Variants in CDC123 observed in about 807,000 individuals in gnomAD.
The protein encoded by CDC123 is translation initiation factor eIF2 assembly protein.
In CDC123, 37 loss-of-function variants were observed where a neutral mutation model predicts 54.4. That is an observed-to-expected ratio of 0.68 (90% CI 0.52 to 0.89). The LOEUF is 0.89. Ranked by LOEUF, CDC123 falls within the 40% of genes least tolerant of loss-of-function variation. The pLI is 0.00. For synonymous variants in CDC123, 144 were observed against 136.8 expected, an observed-to-expected ratio of 1.05 and a Z score of -0.37; for missense variants, 361 against 412.1, an observed-to-expected ratio of 0.88 and a Z score of 1.07.
In CDC123 at chr10:12,230,943, C is replaced by T. The variant is rs765625749; in HGVS notation, c.441-5C>T. ...ATTCAGTTGCCTTTTCTTCTTCTTC[C>T]AAAGGTTTATTCATTGTACTGATGA... On this transcript the variant is annotated splice_region_variant and splice_polypyrimidine_tract_variant and intron_variant, in intron 6 of 12. Coordinates refer to ENST00000281141, the MANE Select transcript of CDC123 (RefSeq NM_006023.3). 6 of 1,611,490 alleles carry T rather than the reference C, an allele frequency of 3.7e-6. No homozygotes were observed. Among genetic ancestry groups the T allele is most frequent in the Admixed American group, 1.7e-5 (1 of 59,440 alleles).
chr10:12,218,100 A>C (rs1835685701), intron 6 of CDC123, among the ~76,000 whole-genome samples: 1 of 152,184 alleles, frequency 6.6e-6, no homozygotes, highest in Non-Finnish European at 1.5e-5. Flanking sequence ...CAAAACAAAC[A>C]AAAACAAAAG....
At chr10:12,229,712 A>G (rs533411067) in intron 6 of CDC123, among the ~76,000 whole-genome samples, 10 of 152,330 alleles carry the variant, frequency 6.6e-5, no homozygotes, top group South Asian at 6.2e-4. Context: ...AACATTCCCA[A>G]TGCCTAGCCC....
At chr10:12,236,804 G>C (rs1835982838) in intron 8 of CDC123, among the ~76,000 whole-genome samples, 1 of 151,932 alleles carries the variant, frequency 6.6e-6, no homozygotes, top group Non-Finnish European at 1.5e-5. Flanking sequence ...TGAGGCAGGA[G>C]AATCGCTTCT....
chr10:12,208,328 G>T (rs1418700776), intron 2 of CDC123, among the ~76,000 whole-genome samples: 3 of 152,200 alleles, frequency 2.0e-5, no homozygotes, highest in Non-Finnish European at 4.4e-5. Context: ...TTCAGCCTCT[G>T]ATTCCCTCTA....
At chr10:12,218,014 G>T (rs1002369082) in intron 6 of CDC123, among the ~76,000 whole-genome samples, 90 of 152,068 alleles carry the variant, frequency 5.9e-4, no homozygotes, top group African/African-American at 2.0e-3. Flanking sequence ...GCTTGAACCC[G>T]GGAGGCGGAG....
At chr10:12,214,004 G>A (rs1172957119) in intron 4 of CDC123, among the ~76,000 whole-genome samples, 3 of 152,132 alleles carry the variant, frequency 2.0e-5, no homozygotes, top group African/African-American at 7.2e-5. Flanking sequence ...AACCTAGAAG[G>A]TTGTGCTGTA....
chr10:12,228,474 C>T (rs1835857930), intron 6 of CDC123, among the ~76,000 whole-genome samples: 2 of 148,936 alleles, frequency 1.3e-5, no homozygotes, highest in South Asian at 2.1e-4. Flanking sequence ...GGCGCAATCT[C>T]GGCTCACTGC....
At chr10:12,207,653 G>A (rs1311028666) in intron 2 of CDC123, among the ~76,000 whole-genome samples, 1 of 152,136 alleles carries the variant, frequency 6.6e-6, no homozygotes, top group African/African-American at 2.4e-5. Flanking sequence ...TGTGTCCTCT[G>A]GGGTTGCTCA....
intron 6 of CDC123, among the ~76,000 whole-genome samples, chr10:12,227,150 G>T (rs1835832688): frequency 6.6e-6 from 1 of 152,114 alleles, no homozygotes; most frequent in Non-Finnish European, 1.5e-5. Flanking sequence ...CAGGCACTCG[G>T]CAGGCTGAAG....
chr10:12,223,417 C>A (rs1479564326), intron 6 of CDC123, among the ~76,000 whole-genome samples: 1 of 152,106 alleles, frequency 6.6e-6, no homozygotes, highest in East Asian at 1.9e-4. Context: ...TCCCAAGTAG[C>A]TGGGACTGTA....
At position 12,250,305 on chromosome 10, in the gene CDC123, T is replaced by G. The variant is rs774213124; in HGVS notation, c.985-6T>G. 1.3e-6 allele frequency: 2 copies of G among 1,578,032 alleles called. No homozygotes were observed. On this transcript the variant is annotated splice_region_variant and splice_polypyrimidine_tract_variant and intron_variant, in intron 12 of 12. Transcript: ENST00000281141. ...ATTTTAACATCCCCTTGGTTTTCTT[T>G]GACAGAAGAGAAATCAGCAGGAGGA...
chr10:12,196,571 G>A (rs529222859), intron 1 of CDC123, among the ~76,000 whole-genome samples: 2 of 152,280 alleles, frequency 1.3e-5, no homozygotes, highest in Admixed American at 1.3e-4. Context: ...GTTTAGGCTT[G>A]GGAGTTCACC....
At chr10:12,210,113 A>G (rs1835577678) in intron 3 of CDC123, 89 bp downstream of exon 3, 2 of 1,482,782 alleles carry the variant, frequency 1.3e-6, no homozygotes, top group African/African-American at 2.8e-5. Context: ...CTTATCTTAC[A>G]TCTGATAAAA....
chr10:12,247,138 C>G (rs12254368), intron 11 of CDC123: 6,164 of 42,436 alleles, frequency 0.15, 1,805 homozygotes, highest in East Asian at 0.28. Flanking sequence ...GTCCTCCTCT[C>G]TCTCACCTCC....
At chr10:12,243,270 T>A (rs149416651) in intron 10 of CDC123, among the ~76,000 whole-genome samples, 1 of 151,574 alleles carries the variant, frequency 6.6e-6, no homozygotes, top group African/African-American at 2.4e-5. Flanking sequence ...TGGTGGTGCA[T>A]ACCTGTAGTC....
chr10:12,246,339 T>C, intron 11 of CDC123, 62 bp downstream of exon 11: 1 of 1,584,272 alleles, frequency 6.3e-7, no homozygotes. Context: ...GACTGCTTGT[T>C]CTTCAGACGC....
intron 10 of CDC123, among the ~76,000 whole-genome samples, chr10:12,241,950 T>C (rs1836063825): frequency 7.9e-6 from 1 of 126,954 alleles, no homozygotes. Context: ...TTGATAGGCT[T>C]AGTTCTGTTC....
intron 6 of CDC123, among the ~76,000 whole-genome samples, chr10:12,223,341 A>T (rs1251206840): frequency 6.6e-6 from 1 of 151,736 alleles, no homozygotes; most frequent in Non-Finnish European, 1.5e-5. Context: ...GCTGGAGTCC[A>T]ATGGCATGAT....
chr10:12,238,313 G>A, intron 9 of CDC123, 144 bp from the exon 10 acceptor site: 1 of 833,276 alleles, frequency 1.2e-6, no homozygotes, highest in Non-Finnish European at 1.8e-6. Flanking sequence ...TTTTATGTTT[G>A]AAGTTTTGAG....
Sources: allele counts gnomAD v4.1 joint callset (sites outside exome capture counted in the v4.1 genomes callset), GRCh38; gene constraint gnomAD v4.1.1; transcripts MANE v1.5; gene names NCBI Gene and HGNC (gene_info 2026-07-23, HGNC 2026-07-21).